The following CNTN6 variants were observed in gnomAD, a reference collection of about 807,000 sequenced individuals.
CNTN6 encodes contactin-6.
In CNTN6, 137 loss-of-function variants were observed where a neutral mutation model predicts 122.8. The observed-to-expected ratio is 1.12, with a 90% confidence interval of 0.97 to 1.29. The LOEUF is 1.29. Among genes scored for constraint, CNTN6 ranks in the 50% most tolerant of loss-of-function variants. The pLI is 0.00. For synonymous variants in CNTN6, 570 were observed against 426.0 expected, an observed-to-expected ratio of 1.34 and a Z score of -4.16; for missense variants, 1,634 against 1,223.4, an observed-to-expected ratio of 1.34 and a Z score of -5.01.
intron 4 of CNTN6, among the ~76,000 whole-genome samples, chr3:1,271,211 CCTTTA>C (rs1239348222): frequency 6.6e-6 from 1 of 152,134 alleles, no homozygotes; most frequent in Non-Finnish European, 1.5e-5. Flanking sequence ...AATTTTATTT[CCTTTA>C]CTTATTACCT....
chr3:1,106,599 A>G (rs1329654730), intron 1 of CNTN6, among the ~76,000 whole-genome samples: 1 of 152,158 alleles, frequency 6.6e-6, no homozygotes, highest in African/African-American at 2.4e-5. Context: ...TATTAAAGCC[A>G]TGAAACAAAC....
At chr3:1,391,729 A>G (rs13098485) in intron 20 of CNTN6, among the ~76,000 whole-genome samples, 10 of 149,440 alleles carry the variant, frequency 6.7e-5, no homozygotes, top group Admixed American at 2.7e-4. Flanking sequence ...AAATCAATGT[A>G]CAAAAATCAC....
At chr3:1,316,029 T>C (rs560842501) in intron 7 of CNTN6, among the ~76,000 whole-genome samples, 13 of 152,138 alleles carry the variant, frequency 8.5e-5, no homozygotes, top group African/African-American at 3.1e-4. Flanking sequence ...TTTGAAATGA[T>C]AGTAATCACA....
chr3:1,258,437 ATCAC>A (rs1161967609), intron 4 of CNTN6, among the ~76,000 whole-genome samples: 1 of 152,124 alleles, frequency 6.6e-6, no homozygotes, highest in Non-Finnish European at 1.5e-5. Flanking sequence ...AACTAATGGA[ATCAC>A]TCAATTTATT....
At chr3:1,147,046 A>G (rs2092737712) in intron 1 of CNTN6, among the ~76,000 whole-genome samples, 1 of 152,078 alleles carries the variant, frequency 6.6e-6, no homozygotes, top group East Asian at 1.9e-4. Flanking sequence ...ACAGAAAGAA[A>G]TGATTTTTAC....
intron 7 of CNTN6, among the ~76,000 whole-genome samples, chr3:1,301,442 TAC>T (rs1697397312): frequency 6.6e-6 from 1 of 152,194 alleles, no homozygotes; most frequent in African/African-American, 2.4e-5. Flanking sequence ...GATGTGTATG[TAC>T]AAAAGAAACC....
chr3:1,245,234 ATACAC>A lies in CNTN6; in HGVS notation c.358+17242_358+17246del, dbSNP rs1197155246. Among the ~76,000 whole-genome samples the A allele has an allele frequency of 4.9e-3, 58 of 11,886 alleles. 5 individuals are homozygous for A. The highest frequency in any genetic ancestry group is 0.031 in the African/African-American group (57 of 1,812). 7.8% of individuals were successfully genotyped at this position (11,886 alleles called of 152,430 possible). On this transcript the variant is annotated intron_variant, in intron 4 of 22. Coordinates refer to ENST00000446702, the MANE Select transcript of CNTN6 (RefSeq NM_001289080.2). ...TATATATATATATATATATATATAT[ATACAC>A]ACACACATATATATATAACATATAT...
chr3:1,308,425 G>C (rs1046790494), intron 7 of CNTN6, among the ~76,000 whole-genome samples: 12 of 151,838 alleles, frequency 7.9e-5, no homozygotes, highest in East Asian at 1.9e-4. Context: ...TCCAAGGATA[G>C]GGTCTTGTTA....
chr3:1,167,328 A>G (rs534135806), intron 2 of CNTN6, among the ~76,000 whole-genome samples: 1 of 151,884 alleles, frequency 6.6e-6, no homozygotes, highest in South Asian at 2.1e-4. Flanking sequence ...TGTACTAGAG[A>G]TCTTTACGGG....
At chr3:1,191,911 C>A (rs973666841) in intron 2 of CNTN6, among the ~76,000 whole-genome samples, 8 of 152,166 alleles carry the variant, frequency 5.3e-5, no homozygotes, top group Middle Eastern at 3.2e-3. Context: ...TAACAGCTTT[C>A]TTTTACTCTA....
chr3:1,158,829 TATACACACAC>T (rs2093043416), intron 2 of CNTN6, among the ~76,000 whole-genome samples: 1 of 108,714 alleles, frequency 9.2e-6, no homozygotes, highest in African/African-American at 4.6e-5. Context: ...CACACATATA[TATACACACAC>T]ATATATATAC....
intron 12 of CNTN6, among the ~76,000 whole-genome samples, chr3:1,369,515 G>T (rs912074764): frequency 6.6e-6 from 1 of 151,538 alleles, no homozygotes; most frequent in African/African-American, 2.4e-5. Flanking sequence ...ACCATTATAA[G>T]TGATGAAATA....
intron 4 of CNTN6, among the ~76,000 whole-genome samples, chr3:1,273,275 T>G (rs545909931): frequency 6.6e-6 from 1 of 152,224 alleles, no homozygotes; most frequent in Non-Finnish European, 1.5e-5. Flanking sequence ...CCAAATATTA[T>G]AGAATTTGAG....
intron 2 of CNTN6, among the ~76,000 whole-genome samples, chr3:1,215,155 T>G (rs1212578439): frequency 6.6e-6 from 1 of 152,202 alleles, no homozygotes; most frequent in Non-Finnish European, 1.5e-5. Flanking sequence ...AGCAAACGCT[T>G]TGGTGTTGAG....
At chr3:1,260,663 G>T (rs1436137909) in intron 4 of CNTN6, among the ~76,000 whole-genome samples, 1 of 151,984 alleles carries the variant, frequency 6.6e-6, no homozygotes, top group East Asian at 1.9e-4. Context: ...GTTGGGGGAG[G>T]GATCCTGTGG....
Position 1,324,874 on chromosome 3 carries a change from G to T in CNTN6, c.947-941G>T, listed in dbSNP as rs17444084. Among the ~76,000 whole-genome samples, 10 of 149,294 alleles carry T rather than the reference G, an allele frequency of 6.7e-5. 2 individuals are homozygous for T. Among genetic ancestry groups the T allele is most frequent in the African/African-American group, 1.0e-4 (4 of 39,072 alleles). On this transcript the variant is annotated intron_variant, in intron 8 of 22. Transcript: ENST00000446702. ...CATCTTGAACAGGTTACCTAACATCGCTGCGAGAATCCACTGAAAGATTGT... is the reference window on the plus strand; with the variant it reads ...CATCTTGAACAGGTTACCTAACATCTCTGCGAGAATCCACTGAAAGATTGT...
At chr3:1,255,089 C>T (rs971042864) in intron 4 of CNTN6, among the ~76,000 whole-genome samples, 3 of 152,060 alleles carry the variant, frequency 2.0e-5, no homozygotes, top group Admixed American at 1.3e-4. Flanking sequence ...AGGCTTTTAC[C>T]ATGGTAGCTG....
intron 1 of CNTN6, among the ~76,000 whole-genome samples, chr3:1,144,594 T>A (rs9816935): frequency 7.2e-5 from 8 of 110,852 alleles, no homozygotes; most frequent in Non-Finnish European, 1.1e-4. Context: ...ATAATAATAA[T>A]AAAAAATAAA....
At chr3:1,352,159 G>A (rs1388266916) in intron 11 of CNTN6, among the ~76,000 whole-genome samples, 165 bp from the exon 12 acceptor site, 1 of 151,742 alleles carries the variant, frequency 6.6e-6, no homozygotes, top group Non-Finnish European at 1.5e-5. Flanking sequence ...GTAATATGTA[G>A]ACTCAGAGAT....
Sources: gnomAD v4.1 joint callset for allele counts (sites outside exome capture counted in the v4.1 genomes callset) on GRCh38, gnomAD v4.1.1 for gene constraint, MANE v1.5 for transcripts, NCBI Gene and HGNC (gene_info 2026-07-23, HGNC 2026-07-21) for gene names.